The following DSCAM variants were observed in gnomAD, a reference collection of about 807,000 sequenced individuals.
DSCAM encodes DS cell adhesion molecule.
DSCAM carries 47 observed loss-of-function variants against 217.7 expected under a neutral mutation model. The observed-to-expected ratio is 0.22, with a 90% CI of 0.17 to 0.28. The LOEUF (loss-of-function observed/expected upper bound fraction) is 0.28, where lower values mean the gene tolerates loss of function less well. DSCAM is among the 10% of genes least tolerant of loss of function. The probability of loss-of-function intolerance (pLI) is 1.00; values close to 1 mark genes in which losing one functional copy is unlikely to be tolerated. For synonymous variants in DSCAM, 1,056 were observed against 1,015.3 expected (o/e 1.04, Z -0.76); for missense variants, 2,080 against 2,618.3 (o/e 0.79, Z 4.49).
At chr21:40,386,132 TAACAC>T (rs200955727) in intron 3 of DSCAM, among the ~76,000 whole-genome samples, 3,529 of 152,310 alleles carry the variant, frequency 0.023, 126 homozygotes, top group African/African-American at 0.081. Flanking sequence ...TTGCAGATCT[TAACAC>T]TGTGCTTTTA....
intron 3 of DSCAM, among the ~76,000 whole-genome samples, chr21:40,498,041 G>C (rs1475402938): frequency 6.6e-6 from 1 of 152,120 alleles, no homozygotes; most frequent in African/African-American, 2.4e-5. Flanking sequence ...ATGGATTTTG[G>C]CATTAGATCT....
At chr21:40,197,920 TCCC>T (rs1007053380) in intron 11 of DSCAM, among the ~76,000 whole-genome samples, 1 of 152,198 alleles carries the variant, frequency 6.6e-6, no homozygotes, top group African/African-American at 2.4e-5. Flanking sequence ...AAAGCCTCTT[TCCC>T]TTATAGTAGC....
chr21:40,836,279 A>C (rs1049291387), intron 1 of DSCAM, among the ~76,000 whole-genome samples: 1 of 152,258 alleles, frequency 6.6e-6, no homozygotes, highest in Non-Finnish European at 1.5e-5. Flanking sequence ...CAATGTGAGA[A>C]ATACAATGGA....
intron 1 of DSCAM, among the ~76,000 whole-genome samples, chr21:40,735,503 T>C (rs894095447): frequency 1.3e-5 from 2 of 152,232 alleles, no homozygotes; most frequent in Admixed American, 1.3e-4. Flanking sequence ...GTATTTCCAC[T>C]TTTGGGGGCC....
intron 23 of DSCAM, among the ~76,000 whole-genome samples, chr21:40,085,038 A>G (rs2089513005): frequency 1.3e-5 from 2 of 152,196 alleles, no homozygotes; most frequent in Admixed American, 1.3e-4. Context: ...TCACTTATTG[A>G]TTGGGATTTA....
chr21:40,312,733 C>T lies in DSCAM; in HGVS notation c.1784-374G>A, dbSNP rs568949219. Among the ~76,000 whole-genome samples the T allele has an allele frequency of 3.9e-5, 6 of 152,270 alleles. No homozygotes were observed. In the South Asian group the frequency reaches 6.2e-4, roughly 16 times the overall value. ...AAGAGGAGGTTTCTTTCCTACTTTGCGACTATGACACTACAATTACTGTTC... is the reference window on the plus strand; with the variant it reads ...AAGAGGAGGTTTCTTTCCTACTTTGTGACTATGACACTACAATTACTGTTC... On this transcript the variant is annotated intron_variant, in intron 8 of 32. Coordinates refer to ENST00000400454, the MANE Select transcript of DSCAM (RefSeq NM_001389.5).
At chr21:40,116,571 TGCCATGTAGAA>T (rs2089972615) in intron 20 of DSCAM, among the ~76,000 whole-genome samples, 1 of 152,104 alleles carries the variant, frequency 6.6e-6, no homozygotes, top group Non-Finnish European at 1.5e-5. Flanking sequence ...AGCATCTGCC[TGCCATGTAGAA>T]GCACTGCACA....
At chr21:40,338,013 T>C (rs2074445928) in intron 8 of DSCAM, 88 bp downstream of exon 8, 7 of 1,515,170 alleles carry the variant, frequency 4.6e-6, no homozygotes, top group Admixed American at 3.6e-5. Flanking sequence ...AATAAGCAGA[T>C]CTTGGATTAC....
intron 1 of DSCAM, among the ~76,000 whole-genome samples, chr21:40,718,589 GC>G (rs1236164736): frequency 6.6e-6 from 1 of 152,046 alleles, no homozygotes; most frequent in Non-Finnish European, 1.5e-5. Flanking sequence ...GGAATGACCT[GC>G]CCCCACGATT....
Position 40,485,628 on chromosome 21 carries a change from A to G in DSCAM, c.509-116383T>C, listed in dbSNP as rs367598166. 2.5e-4 allele frequency among the ~76,000 whole-genome samples: 38 copies of G among 152,304 alleles called. No individual in the cohort carries two copies. The South Asian group carries it at 7.5e-3, about 30-fold the overall frequency. The stretch of plus-strand genomic sequence containing the variant: ...TTGAATCCACCAATAACAAATAAAT[A>G]AATAAAATGTATTTAAGTTTAAATA... On this transcript the variant is annotated intron_variant, in intron 3 of 32. Coordinates refer to ENST00000400454, the MANE Select transcript of DSCAM (RefSeq NM_001389.5).
At chr21:40,634,903 T>C (rs1245408714) in intron 3 of DSCAM, among the ~76,000 whole-genome samples, 2 of 152,224 alleles carry the variant, frequency 1.3e-5, no homozygotes, top group East Asian at 1.9e-4. Context: ...TATTTTTCTC[T>C]ACAACACTTT....
intron 3 of DSCAM, among the ~76,000 whole-genome samples, chr21:40,504,572 AAAG>A (rs760832119): frequency 1.4e-4 from 22 of 152,324 alleles, no homozygotes; most frequent in Admixed American, 1.2e-3. Context: ...CAAAATAAAA[AAAG>A]AAGAACAACA....
chr21:40,191,259 A>G (rs989288151), intron 11 of DSCAM, among the ~76,000 whole-genome samples: 11 of 152,192 alleles, frequency 7.2e-5, no homozygotes, highest in Non-Finnish European at 1.0e-4. Flanking sequence ...TACATTTGGG[A>G]GTTTCTCTAG....
chr21:40,148,253 TG>T (rs2090382280), intron 16 of DSCAM, among the ~76,000 whole-genome samples: 1 of 152,178 alleles, frequency 6.6e-6, no homozygotes, highest in Non-Finnish European at 1.5e-5. Flanking sequence ...TTGTTGCACC[TG>T]AGGAAGAAGT....
At chr21:40,667,970 T>C (rs1399919098) in intron 3 of DSCAM, among the ~76,000 whole-genome samples, 1 of 152,220 alleles carries the variant, frequency 6.6e-6, no homozygotes, top group African/African-American at 2.4e-5. Flanking sequence ...AGATCAAAAC[T>C]TATTTCCCCA....
At chr21:40,249,177 T>G (rs1179227125) in intron 11 of DSCAM, among the ~76,000 whole-genome samples, 1 of 152,176 alleles carries the variant, frequency 6.6e-6, no homozygotes, top group Non-Finnish European at 1.5e-5. Flanking sequence ...GTTATGCAAA[T>G]TGCAGTATTG....
At chr21:40,589,965 C>T (rs535551532) in intron 3 of DSCAM, among the ~76,000 whole-genome samples, 59 of 152,294 alleles carry the variant, frequency 3.9e-4, no homozygotes, top group Admixed American at 1.7e-3. Flanking sequence ...TCAGCAGTTT[C>T]TTTTAAGATG....
intron 30 of DSCAM, among the ~76,000 whole-genome samples, chr21:40,051,102 T>A (rs1303505511): frequency 6.6e-6 from 1 of 152,208 alleles, no homozygotes; most frequent in African/African-American, 2.4e-5. Context: ...AACATTATAA[T>A]AGTTATTTTT....
At chr21:40,088,321 AG>A (rs1316466272) in intron 21 of DSCAM, among the ~76,000 whole-genome samples, 1 of 152,150 alleles carries the variant, frequency 6.6e-6, no homozygotes, top group Non-Finnish European at 1.5e-5. Context: ...TTCTGGGTTG[AG>A]GGTTTGCATT....
Sources: gnomAD v4.1 joint callset for allele counts (sites outside exome capture counted in the v4.1 genomes callset) on GRCh38, gnomAD v4.1.1 for gene constraint, MANE v1.5 for transcripts, NCBI Gene and HGNC (gene_info 2026-07-23, HGNC 2026-07-21) for gene names.